AGAP1: variants seen among roughly 807,000 people sequenced by gnomAD.
The protein encoded by AGAP1 is ArfGAP with GTPase domain, ankyrin repeat and PH domain 1.
A neutral mutation model predicts 105.3 loss-of-function variants in AGAP1; 29 were observed. The observed-to-expected ratio is 0.28, with a 90% CI of 0.21 to 0.38. AGAP1 has a LOEUF of 0.38. Ranked by LOEUF, AGAP1 falls within the 10% of genes least tolerant of loss-of-function variation. The pLI, the probability that AGAP1 is intolerant of heterozygous loss-of-function variation, is 1.00. For missense variants in AGAP1, 998 were observed against 1,165.1 expected (o/e 0.86, Z 2.09); for synonymous variants, 509 against 485.9 (o/e 1.05, Z -0.63).
intron 13 of AGAP1, 99 bp downstream of exon 13, chr2:235,968,722 G>T (rs1004948932): frequency 9.7e-6 from 12 of 1,235,742 alleles, no homozygotes; most frequent in Non-Finnish European, 1.4e-5. Flanking sequence ...CACAACAAAT[G>T]CACAGTAATG....
rs1022626062 is a variant in AGAP1 at position 236,090,256 on chromosome 2, T to C, written c.2115-29936T>C. ...CAGGACTTTGATGTTCCTACTGATA[T>C]ATTCAACCCTCAGGCGTACCATGCA... On this transcript the variant is annotated intron_variant, in intron 16 of 17. Coordinates refer to ENST00000304032, the MANE Select transcript of AGAP1 (RefSeq NM_001037131.3). This position sits in a 1 kb window ranked among gnomAD's most constrained non-coding sequence, Gnocchi z 4.3. Among the ~76,000 whole-genome samples, 2 of 152,198 alleles carry C rather than the reference T, an allele frequency of 1.3e-5. No individual in the cohort carries two copies. The highest frequency in any genetic ancestry group is 2.9e-5 in the Non-Finnish European group (2 of 68,050).
At chr2:235,500,562 A>G (rs1283780687) in intron 1 of AGAP1, among the ~76,000 whole-genome samples, 2 of 152,290 alleles carry the variant, frequency 1.3e-5, no homozygotes, top group African/African-American at 2.4e-5. Context: ...AAGGTTTCCT[A>G]TCAGCCTGCC....
chr2:235,644,806 A>G (rs145944638), intron 1 of AGAP1, among the ~76,000 whole-genome samples: 1 of 152,126 alleles, frequency 6.6e-6, no homozygotes, highest in Non-Finnish European at 1.5e-5. Context: ...CTATAGCAAT[A>G]TTATGGTGTG....
chr2:235,603,799 G>T (rs867921101), intron 1 of AGAP1, among the ~76,000 whole-genome samples: 1 of 152,032 alleles, frequency 6.6e-6, no homozygotes, highest in Non-Finnish European at 1.5e-5. Flanking sequence ...TAAGTGTTTC[G>T]GTTATGCAAC....
At chr2:235,564,437 A>G (rs1225832536) in intron 1 of AGAP1, among the ~76,000 whole-genome samples, 1 of 152,226 alleles carries the variant, frequency 6.6e-6, no homozygotes, top group Non-Finnish European at 1.5e-5. Flanking sequence ...AACCGAGACT[A>G]GCTCCCTGCA....
rs1450292207 is a variant in AGAP1, at chr2:235,959,621, C to T, written c.1484-8841C>T. On this transcript the variant is annotated intron_variant, in intron 12 of 17. Transcript: ENST00000304032. The surrounding 1 kb of genome is among the most constrained non-coding windows in gnomAD (Gnocchi z 7.3). ...TTGAGTCCCAGGTGACACTTCCTGC[C>T]CGACTTCTGTCTCCTGCCACGGCCC... Among the ~76,000 whole-genome samples, 1 of 152,052 alleles carries T rather than the reference C, an allele frequency of 6.6e-6. No individual in the cohort carries two copies. Among genetic ancestry groups the T allele is most frequent in the African/African-American group, 2.4e-5 (1 of 41,404 alleles).
intron 1 of AGAP1, among the ~76,000 whole-genome samples, chr2:235,525,256 C>CACATAATGTGGAGGACTGAT (rs775221535): frequency 2.5e-4 from 38 of 150,308 alleles, no homozygotes; most frequent in African/African-American, 7.6e-4. Context: ...GGAGGACTGA[C>CACATAATGTGGAGGACTGAT]ACATAATGTG....
intron 16 of AGAP1, among the ~76,000 whole-genome samples, chr2:236,066,767 T>C (rs2058356918): frequency 6.6e-6 from 1 of 152,332 alleles, no homozygotes; most frequent in South Asian, 2.1e-4. Context: ...ATCAATAATA[T>C]TCCTATCACC....
At chr2:235,643,693 A>G (rs528206300) in intron 1 of AGAP1, among the ~76,000 whole-genome samples, 1 of 152,030 alleles carries the variant, frequency 6.6e-6, no homozygotes, top group Admixed American at 6.6e-5. Flanking sequence ...GCCAAGTGAG[A>G]TAACCGTATC....
chr2:236,049,323 A>G (rs1317192770), intron 16 of AGAP1, 42 bp downstream of exon 16: 14 of 1,572,082 alleles, frequency 8.9e-6, no homozygotes, highest in Non-Finnish European at 1.1e-5. Context: ...CACGTTTGCC[A>G]ACAGTTAGGC....
rs111275251 is a variant in AGAP1, at chr2:235,533,237, C to T, written c.163+38388C>T. 8.1e-3 allele frequency among the ~76,000 whole-genome samples: 1,237 copies of T among 152,214 alleles called. 18 individuals carry two copies. Among genetic ancestry groups the T allele is most frequent in the African/African-American group, 0.028 (1,145 of 41,530 alleles). The stretch of plus-strand genomic sequence containing the variant: ...AGAAATGGTCAAGCTCACTAGAAAC[C>T]GTCATCAGCCACATTCTGATGAAAG... On this transcript the variant is annotated intron_variant, in intron 1 of 17. Transcript: ENST00000304032.
intron 1 of AGAP1, among the ~76,000 whole-genome samples, chr2:235,511,956 GTGTGTAAAGGT>G: frequency 6.6e-6 from 1 of 151,628 alleles, no homozygotes; most frequent in Non-Finnish European, 1.5e-5. Context: ...GTGTGAATGT[GTGTGTAAAGGT>G]GATTGTGAGT....
chr2:235,678,519 C>T (rs1016696590), intron 1 of AGAP1, among the ~76,000 whole-genome samples: 1 of 152,156 alleles, frequency 6.6e-6, no homozygotes, highest in Non-Finnish European at 1.5e-5. Context: ...CAGACTCGGG[C>T]TGGCGAGGGA....
At chr2:235,978,336 G>A (rs1299984291) in intron 13 of AGAP1, among the ~76,000 whole-genome samples, 1 of 152,158 alleles carries the variant, frequency 6.6e-6, no homozygotes, top group East Asian at 1.9e-4. Flanking sequence ...TTCATGGACT[G>A]TCTCAGGTCA....
chr2:235,506,128 A>G (rs1275250969), intron 1 of AGAP1, among the ~76,000 whole-genome samples: 1 of 151,738 alleles, frequency 6.6e-6, no homozygotes, highest in East Asian at 1.9e-4. Context: ...ATAGGGTTTC[A>G]CCACGTTGGC....
intron 16 of AGAP1, among the ~76,000 whole-genome samples, chr2:236,079,371 A>T (rs1358682391): frequency 7.8e-4 from 37 of 47,292 alleles, no homozygotes; most frequent in South Asian, 1.5e-3. Flanking sequence ...AAGAAAATTT[A>T]AAAAAAAAAA....
At chr2:235,561,773 G>A (rs1944160523) in intron 1 of AGAP1, among the ~76,000 whole-genome samples, 1 of 152,266 alleles carries the variant, frequency 6.6e-6, no homozygotes, top group African/African-American at 2.4e-5. Flanking sequence ...AGAAACTAAG[G>A]CCTTTGATTT....
At position 235,888,898 on chromosome 2, in the gene AGAP1, A is replaced by G. The variant is rs1298443773; in HGVS notation, c.1155+5449A>G. 1.3e-5 allele frequency among the ~76,000 whole-genome samples: 2 copies of G among 152,100 alleles called. No homozygotes were observed. The highest frequency in any genetic ancestry group is 2.9e-5 in the Non-Finnish European group (2 of 68,014). Reference sequence around the variant, plus strand: ...GCTCTGGCTTTCAGTTCCTTTGCACACTGTGGAAGCAGGAGACTGACCATT... The same window carrying G: ...GCTCTGGCTTTCAGTTCCTTTGCACGCTGTGGAAGCAGGAGACTGACCATT... On this transcript the variant is annotated intron_variant, in intron 10 of 17. Transcript: ENST00000304032. The surrounding 1 kb of genome is among the most constrained non-coding windows in gnomAD (Gnocchi z 4.8).
Position 235,516,627 on chromosome 2 carries a change from C to T in AGAP1, c.163+21778C>T, listed in dbSNP as rs527560485. Among the ~76,000 whole-genome samples, 6 of 152,242 alleles carry T rather than the reference C, an allele frequency of 3.9e-5. No homozygotes were observed. In the South Asian group the frequency reaches 8.3e-4, roughly 21 times the overall value. ...TGGCCAGCCTCCGTTCTCTGGGACCCGGCAGGAATGTGTTTGTCGCCTCTG... is the reference window on the plus strand; with the variant it reads ...TGGCCAGCCTCCGTTCTCTGGGACCTGGCAGGAATGTGTTTGTCGCCTCTG... On this transcript the variant is annotated intron_variant, in intron 1 of 17. Coordinates refer to ENST00000304032, the MANE Select transcript of AGAP1 (RefSeq NM_001037131.3).
Sources: gnomAD v4.1 joint callset for allele counts (sites outside exome capture counted in the v4.1 genomes callset) on GRCh38, gnomAD v4.1.1 for gene constraint, Gnocchi (gnomAD v3.1) non-coding constraint, MANE v1.5 for transcripts, NCBI Gene and HGNC (gene_info 2026-07-23, HGNC 2026-07-21) for gene names.